Variants in ATP2A2 observed in about 807,000 individuals in gnomAD.
ATP2A2 encodes the protein sarcoplasmic/endoplasmic reticulum calcium ATPase 2.
ATP2A2 carries 14 observed loss-of-function variants against 109.3 expected under a neutral mutation model. That is an observed-to-expected ratio of 0.13 (90% CI 0.08 to 0.20). The LOEUF is 0.20. ATP2A2 is among the 10% of genes least tolerant of loss of function. The pLI, the probability that ATP2A2 is intolerant of heterozygous loss-of-function variation, is 1.00. For synonymous variants in ATP2A2, 506 were observed against 490.9 expected (o/e 1.03, Z -0.41); for missense variants, 657 against 1,321.6 (o/e 0.50, Z 7.80).
chr12:110,307,240 C>CT (rs1458951844), intron 5 of ATP2A2, among the ~76,000 whole-genome samples: 998 of 78,602 alleles, frequency 0.013, 14 homozygotes, highest in African/African-American at 0.042. Flanking sequence ...TTTTTTTTTT[C>CT]TTTTTTTTTG....
rs1201260065 is a variant in ATP2A2, at chr12:110,340,752, C to T, written c.1855C>T (p.Arg619Trp). ...SVKLCRQAGI[R>W]VIMITGDNKG... ...GAAGCTGTGCCGGCAAGCAGGCATCCGGGTCATCATGATCACTGGGGACAA... is the reference window on the plus strand; with the variant it reads ...GAAGCTGTGCCGGCAAGCAGGCATCTGGGTCATCATGATCACTGGGGACAA... The change falls in exon 14 of 20, where the codon CGG becomes TGG. Residue 619 changes from arginine (R) to tryptophan (W), a missense_variant. By Grantham distance (101) the Arg-to-Trp change is moderately radical. Coordinates refer to ENST00000539276, the MANE Select transcript of ATP2A2 (RefSeq NM_170665.4). The surrounding 1 kb of genome is among the most constrained non-coding windows in gnomAD (Gnocchi z 6.0). 1.9e-6 allele frequency: 3 copies of T among 1,614,094 alleles called. No homozygotes were observed. Among genetic ancestry groups the T allele is most frequent in the Non-Finnish European group, 1.7e-6 (2 of 1,180,022 alleles).
intron 5 of ATP2A2, among the ~76,000 whole-genome samples, chr12:110,300,002 C>T (rs1371799408): frequency 4.6e-5 from 7 of 151,792 alleles, no homozygotes; most frequent in African/African-American, 9.7e-5. Context: ...GTGGTCCGCC[C>T]GCCTCAGCCT....
chr12:110,320,297 G>C (rs1308965150), intron 5 of ATP2A2, among the ~76,000 whole-genome samples: 1 of 152,146 alleles, frequency 6.6e-6, no homozygotes, highest in Non-Finnish European at 1.5e-5. Flanking sequence ...AGTCTGTTCA[G>C]CAGTTACAAT....
At chr12:110,324,643 A>G (rs1877585666) in intron 6 of ATP2A2, among the ~76,000 whole-genome samples, 1 of 152,040 alleles carries the variant, frequency 6.6e-6, no homozygotes, top group Admixed American at 6.6e-5. Context: ...GCTGGTCTCG[A>G]ACTCCTGATC....
At chr12:110,324,924 C>T (rs764079107) in intron 6 of ATP2A2, among the ~76,000 whole-genome samples, 13 of 150,062 alleles carry the variant, frequency 8.7e-5, no homozygotes, top group Non-Finnish European at 1.6e-4. Context: ...TCAAGTAATT[C>T]TCATGCCTCA....
At chr12:110,315,087 C>G (rs1009500345) in intron 5 of ATP2A2, among the ~76,000 whole-genome samples, 1 of 152,090 alleles carries the variant, frequency 6.6e-6, no homozygotes, top group Non-Finnish European at 1.5e-5. Context: ...AGGATGATCT[C>G]GTTCTCCTGA....
In ATP2A2 at chr12:110,344,893, C is replaced by T. The variant is rs141422433; in HGVS notation, c.2529C>T (p.Val843=). 31 of 1,614,026 alleles carry T rather than the reference C, an allele frequency of 1.9e-5. No homozygotes were observed. The highest frequency in any genetic ancestry group is 6.7e-5 in the African/African-American group (5 of 74,914). The change falls in exon 17 of 20, where the codon GTC becomes GTT. Residue 843 remains valine (V), a synonymous_variant. Transcript: ENST00000539276. ...FFRYLAIGCY[V]GAATVGAAAW... is the part of the protein sequence containing the mutation. ...CACTGTGTTTGTTCCCAGGTTACGT[C>T]GGCGCTGCTACCGTGGGTGCTGCTG...
Position 110,342,102 on chromosome 12 carries a change from A to G in ATP2A2, c.2098-126A>G. 5.5e-6 allele frequency: 6 copies of G among 1,089,670 alleles called. No homozygotes were observed. The highest frequency in any genetic ancestry group is 6.9e-6 in the Non-Finnish European group (5 of 724,316). 67.5% of individuals were successfully genotyped at this position (1,089,670 alleles called of 1,614,324 possible). The stretch of plus-strand genomic sequence containing the variant: ...ACCAACTTATGAAACAAAAATTCTA[A>G]AACTCTTTGCCAAGAGACCTACGGC... On this transcript the variant is annotated intron_variant, in intron 14 of 19. Transcript: ENST00000539276. The surrounding 1 kb of genome is among the most constrained non-coding windows in gnomAD (Gnocchi z 4.6).
chr12:110,332,662 A>G lies in ATP2A2; in HGVS notation c.1161A>G (p.Ser387=), dbSNP rs750475708. 2 of 1,613,048 alleles carry G rather than the reference A, an allele frequency of 1.2e-6. No homozygotes were observed. The highest frequency in any genetic ancestry group is 2.2e-5 in the South Asian group (2 of 91,050). Residue 387 remains serine (S), a synonymous_variant, in exon 9 of 20, where the codon TCA becomes TCG. Transcript: ENST00000539276. The stretch of plus-strand genomic sequence containing the variant: ...TTAATGAGTTTACCATAACTGGATC[A>G]ACTTATGCACCTATTGGAGAAGTGT... ...CSLNEFTITG[S]TYAPIGEVHK...
At chr12:110,336,983 A>G (rs1878895978) in intron 11 of ATP2A2, among the ~76,000 whole-genome samples, 1 of 152,066 alleles carries the variant, frequency 6.6e-6, no homozygotes, top group South Asian at 2.1e-4. Context: ...GAGTCGTTTG[A>G]TTCTAGACCT....
intron 8 of ATP2A2, chr12:110,330,850 C>T (rs1258885844): frequency 6.6e-6 from 1 of 152,128 alleles, no homozygotes; most frequent in Non-Finnish European, 1.5e-5. Context: ...TTGACTTGCT[C>T]ACAGTCAAAA....
At chr12:110,317,925 T>G (rs1271976181) in intron 5 of ATP2A2, among the ~76,000 whole-genome samples, 1 of 152,192 alleles carries the variant, frequency 6.6e-6, no homozygotes, top group African/African-American at 2.4e-5. Flanking sequence ...AGGTGTCAGA[T>G]GTTAAATGGA....
At chr12:110,337,738 T>C (rs1878971202) in intron 11 of ATP2A2, among the ~76,000 whole-genome samples, 1 of 152,140 alleles carries the variant, frequency 6.6e-6, no homozygotes. Flanking sequence ...GAAAAAACAA[T>C]AAGGTCACCT....
At chr12:110,320,314 G>GTAAAA (rs1405189245) in intron 5 of ATP2A2, among the ~76,000 whole-genome samples, 1 of 152,188 alleles carries the variant, frequency 6.6e-6, no homozygotes, top group Non-Finnish European at 1.5e-5. Context: ...CAATGCAGAA[G>GTAAAA]TAAAATAGTG....
At chr12:110,297,775 A>G (rs937640662) in intron 5 of ATP2A2, among the ~76,000 whole-genome samples, 11 of 151,534 alleles carry the variant, frequency 7.3e-5, no homozygotes, top group Admixed American at 5.3e-4. Flanking sequence ...ATGCCACTAC[A>G]CTCGCCTAAT....
At position 110,282,729 on chromosome 12, in the gene ATP2A2, A is replaced by G; in HGVS notation, c.153A>G (p.Glu51=). 1.2e-6 allele frequency: 2 copies of G among 1,614,124 alleles called. No individual in the cohort carries two copies. The highest frequency in any genetic ancestry group is 8.5e-7 in the Non-Finnish European group (1 of 1,180,008). ...TTCTTACAGGAAAAACCTTGCTGGA[A>G]CTTGTGATTGAGCAGTTTGAAGACT... ...LPAEEGKTLL[E]LVIEQFEDLL... is the part of the protein sequence containing the mutation. Residue 51 remains glutamate, a synonymous_variant, in exon 3 of 20, where the codon GAA becomes GAG. Transcript: ENST00000539276.
chr12:110,293,308 TC>T (rs1264709581), intron 4 of ATP2A2, among the ~76,000 whole-genome samples: 1 of 149,480 alleles, frequency 6.7e-6, no homozygotes, highest in Non-Finnish European at 1.5e-5. Context: ...GACCTCGTGA[TC>T]CACCCACCTC....
intron 8 of ATP2A2, among the ~76,000 whole-genome samples, 186 bp downstream of exon 8, chr12:110,328,203 A>G (rs906984050): frequency 3.9e-5 from 6 of 152,146 alleles, no homozygotes; most frequent in African/African-American, 1.4e-4. Flanking sequence ...TTCACAAAAT[A>G]CAGGATATCT....
At chr12:110,301,403 C>G (rs1874622582) in intron 5 of ATP2A2, among the ~76,000 whole-genome samples, 1 of 152,168 alleles carries the variant, frequency 6.6e-6, no homozygotes, top group South Asian at 2.1e-4. Flanking sequence ...CCAGTCCTTC[C>G]CGTCTTTTGT....
Sources: gnomAD v4.1 joint callset for allele counts (sites outside exome capture counted in the v4.1 genomes callset) on GRCh38, gnomAD v4.1.1 for gene constraint, Gnocchi (gnomAD v3.1) non-coding constraint, MANE v1.5 for transcripts, NCBI Gene and HGNC (gene_info 2026-07-23, HGNC 2026-07-21) for gene names.